RARRES1: variants seen among roughly 807,000 people sequenced by gnomAD.
The protein encoded by RARRES1 is retinoic acid receptor responder 1.
In RARRES1, 34 loss-of-function variants were observed where a neutral mutation model predicts 30.6. That is an observed-to-expected ratio of 1.11 (90% confidence interval 0.84 to 1.48). The LOEUF (loss-of-function observed/expected upper bound fraction) is 1.48, where lower values mean the gene tolerates loss of function less well. Among genes scored for constraint, RARRES1 ranks in the 40% most tolerant of loss-of-function variants. The pLI is 0.00. For synonymous variants in RARRES1, 153 were observed against 155.5 expected (o/e 0.98, Z 0.12); for missense variants, 373 against 386.5 (o/e 0.97, Z 0.29).
At chr3:158,707,821 A>G (rs1726975657) in intron 3 of RARRES1, among the ~76,000 whole-genome samples, 1 of 152,236 alleles carries the variant, frequency 6.6e-6, no homozygotes, top group Non-Finnish European at 1.5e-5. Flanking sequence ...TTGTCATCAT[A>G]TCACCCTTAT....
chr3:158,707,004 A>G (rs1240554774), intron 3 of RARRES1, among the ~76,000 whole-genome samples: 1 of 152,082 alleles, frequency 6.6e-6, no homozygotes, highest in African/African-American at 2.4e-5. Flanking sequence ...CCCCATCTCT[A>G]TTAAAAATAT....
chr3:158,705,061 T>C, intron 3 of RARRES1, 134 bp from the exon 4 acceptor site: 2 of 1,209,396 alleles, frequency 1.7e-6, no homozygotes, highest in Non-Finnish European at 2.2e-6. Context: ...GAGCCATATA[T>C]GTGATTTGTT....
At chr3:158,704,074 C>T (rs548247625) in intron 4 of RARRES1, among the ~76,000 whole-genome samples, 1 of 152,210 alleles carries the variant, frequency 6.6e-6, no homozygotes, top group East Asian at 1.9e-4. Context: ...TCATCCTTAA[C>T]TCCTCTCATC....
chr3:158,710,812 CTT>C lies in RARRES1; in HGVS notation c.459_460del (p.Arg154ThrfsTer25). The C allele has an allele frequency of 6.2e-7, 1 of 1,613,560 alleles. No homozygotes were observed. The highest frequency in any genetic ancestry group is 8.5e-7 in the Non-Finnish European group (1 of 1,179,720). On this transcript the variant is annotated frameshift_variant, in exon 3 of 6. Coordinates refer to ENST00000237696, the MANE Select transcript of RARRES1 (RefSeq NM_206963.2). LOFTEE classifies it high-confidence loss of function. Reference sequence around the variant, plus strand: ...GTAAAGCAGGTAATCCTCTTGTTGTCTTTTCTTTTTCTCGATGAGCCGTGTAC... The same window carrying C: ...GTAAAGCAGGTAATCCTCTTGTTGTCTTCTTTTTCTCGATGAGCCGTGTAC...
At chr3:158,702,123 C>T (rs778775231) in intron 4 of RARRES1, among the ~76,000 whole-genome samples, 2 of 152,116 alleles carry the variant, frequency 1.3e-5, no homozygotes, top group Non-Finnish European at 2.9e-5. Context: ...CTGCAACCTC[C>T]GCCTCCCGGG....
chr3:158,710,505 G>A (rs890845830), intron 3 of RARRES1, among the ~76,000 whole-genome samples: 2 of 152,154 alleles, frequency 1.3e-5, no homozygotes, highest in Non-Finnish European at 2.9e-5. Context: ...ACCGCGCCCA[G>A]CTGGAAAATG....
At chr3:158,701,197 A>G (rs1033559918) in intron 4 of RARRES1, among the ~76,000 whole-genome samples, 3 of 152,178 alleles carry the variant, frequency 2.0e-5, no homozygotes, top group Non-Finnish European at 4.4e-5. Context: ...TTCATATTAA[A>G]GGCTAAAGGT....
Position 158,697,364 on chromosome 3 carries a change from T to TA in RARRES1, c.*313dup, listed in dbSNP as rs141453852. 431 of 203,196 alleles carry TA rather than the reference T, an allele frequency of 2.1e-3. No homozygotes were observed. Among genetic ancestry groups the TA allele is most frequent in the Middle Eastern group, 7.1e-3 (4 of 564 alleles). 12.6% of individuals were successfully genotyped at this position (203,196 alleles called of 1,614,324 possible). On this transcript the variant is annotated 3_prime_UTR_variant, in exon 6 of 6. Transcript: ENST00000237696. ...AGATGAGACCATCATTTTTTGCAGT[T>TA]AAAAAAAAAATGCTGATTCTGGTGC...
chr3:158,712,296 T>G (rs559312691), intron 2 of RARRES1, among the ~76,000 whole-genome samples: 1 of 152,282 alleles, frequency 6.6e-6, no homozygotes, highest in African/African-American at 2.4e-5. Flanking sequence ...GTAATCAAAA[T>G]TCTCTCTGCG....
In RARRES1 at chr3:158,697,811, C is replaced by T. The variant is rs759534219; in HGVS notation, c.752G>A (p.Arg251His). ...ELSTQEIIPC[R>H]IHLVWYPGKP... is the part of the protein sequence containing the mutation. ...GCCAGGGTACCAGACCAAGTGAATG[C>T]GACAGGGAATTATTTCCTAGGAAAT... The change falls in exon 6 of 6, where the codon CGC becomes CAC. Residue 251 changes from arginine to histidine, a missense_variant. Arg to His is a conservative substitution (Grantham distance 29). Transcript: ENST00000237696. The T allele has an allele frequency of 6.2e-6, 10 of 1,609,102 alleles. No homozygotes were observed. Among genetic ancestry groups the T allele is most frequent in the African/African-American group, 4.0e-5 (3 of 74,638 alleles).
chr3:158,701,435 C>A (rs936043917), intron 4 of RARRES1, among the ~76,000 whole-genome samples: 2 of 151,892 alleles, frequency 1.3e-5, no homozygotes, highest in African/African-American at 4.8e-5. Flanking sequence ...TACTTCTTTA[C>A]ACAATTGCAT....
At chr3:158,710,421 G>C (rs1025589551) in intron 3 of RARRES1, among the ~76,000 whole-genome samples, 4 of 152,098 alleles carry the variant, frequency 2.6e-5, no homozygotes, top group Non-Finnish European at 5.9e-5. Flanking sequence ...TGTTAGCCAG[G>C]ATGGTCTTGA....
At position 158,732,287 on chromosome 3, in the gene RARRES1, G is replaced by A; in HGVS notation, c.129C>T (p.Pro43=). 9 of 1,348,936 alleles carry A rather than the reference G, an allele frequency of 6.7e-6. No individual in the cohort carries two copies. The highest frequency in any genetic ancestry group is 8.5e-6 in the Non-Finnish European group (9 of 1,060,328). The allele number at this position is 1,348,936 out of a possible 1,614,324, so 83.6% of individuals were successfully genotyped here. Residue 43 remains proline, a synonymous_variant, in exon 1 of 6, where the codon CCC becomes CCT. Transcript: ENST00000237696. Reference sequence around the variant, plus strand: ...CATCCTGAGGCTGCCCAGGGTCGTCGGGGTCCCCGGACCCCGCGGGCGCCG... The same window carrying A: ...CATCCTGAGGCTGCCCAGGGTCGTCAGGGTCCCCGGACCCCGCGGGCGCCG... ...PVAAPAGSGD[P]DDPGQPQDAG...
At chr3:158,720,002 C>T (rs1016991132) in intron 1 of RARRES1, among the ~76,000 whole-genome samples, 12 of 152,146 alleles carry the variant, frequency 7.9e-5, no homozygotes, top group African/African-American at 2.9e-4. Context: ...TACCCATGTA[C>T]TAACCTATTA....
intron 1 of RARRES1, among the ~76,000 whole-genome samples, chr3:158,717,471 G>A (rs1249153526): frequency 6.6e-6 from 1 of 152,210 alleles, no homozygotes; most frequent in Admixed American, 6.6e-5. Flanking sequence ...ATTGGTCTTG[G>A]TGTGGGGAGG....
Position 158,732,195 on chromosome 3 carries a change from G to T in RARRES1, c.221C>A (p.Ser74Tyr). The T allele has an allele frequency of 2.1e-6, 3 of 1,422,726 alleles. No homozygotes were observed. The allele number at this position is 1,422,726 out of a possible 1,614,324, so 88.1% of individuals were successfully genotyped here. ...RAALHFFNFR[S>Y]GSPSALRVLA... ...CACTCGTAGCGCGCTGGGCGAGCCG[G>T]ACCGGAAGTTGAAGAAGTGAAGCGC... The change falls in exon 1 of 6, where the codon TCC becomes TAC. Residue 74 changes from serine to tyrosine, a missense_variant. Physicochemically the swap from Ser to Tyr is moderately radical, Grantham distance 144. Coordinates refer to ENST00000237696, the MANE Select transcript of RARRES1 (RefSeq NM_206963.2).
intron 4 of RARRES1, among the ~76,000 whole-genome samples, chr3:158,701,737 T>A (rs2108130212): frequency 6.6e-6 from 1 of 152,320 alleles, no homozygotes; most frequent in South Asian, 2.1e-4. Context: ...ATAGCAGAAT[T>A]TGAAAATCTT....
At chr3:158,729,760 C>G (rs1727813450) in intron 1 of RARRES1, among the ~76,000 whole-genome samples, 1 of 151,970 alleles carries the variant, frequency 6.6e-6, no homozygotes. Flanking sequence ...CCTATTATTC[C>G]TTTTTAAAAT....
At chr3:158,724,543 A>G (rs899695771) in intron 1 of RARRES1, among the ~76,000 whole-genome samples, 1 of 152,186 alleles carries the variant, frequency 6.6e-6, no homozygotes, top group Non-Finnish European at 1.5e-5. Context: ...GAAGCCGGAA[A>G]TGGATTCTCC....
Sources: allele counts gnomAD v4.1 joint callset (sites outside exome capture counted in the v4.1 genomes callset), GRCh38; gene constraint gnomAD v4.1.1; transcripts MANE v1.5; gene names NCBI Gene and HGNC (gene_info 2026-07-23, HGNC 2026-07-21).